B4GALNT1: variants seen among roughly 807,000 people sequenced by gnomAD.
B4GALNT1 encodes the protein beta-1,4 N-acetylgalactosaminyltransferase 1.
B4GALNT1 carries 43 observed loss-of-function variants against 55.2 expected under a neutral mutation model. That is an observed-to-expected ratio of 0.78 (90% CI 0.61 to 1.00). The LOEUF is 1.00. Among genes scored for constraint, B4GALNT1 ranks in the 50% least tolerant of loss-of-function variants. The pLI is 0.00. For synonymous variants in B4GALNT1, 305 were observed against 311.6 expected, an observed-to-expected ratio of 0.98 and a Z score of 0.22; for missense variants, 664 against 729.7, an observed-to-expected ratio of 0.91 and a Z score of 1.04.
Position 57,625,987 on chromosome 12 carries a change from C to G in B4GALNT1, c.*757G>C. On this transcript the variant is annotated 3_prime_UTR_variant, in exon 11 of 11. Coordinates refer to ENST00000341156, the MANE Select transcript of B4GALNT1 (RefSeq NM_001478.5). Reference sequence around the variant, plus strand: ...CTAATCTATTCCTGACATGTCTCCTCTCTTCTCCAGGAGCTCACTGACCCA... The same window carrying G: ...CTAATCTATTCCTGACATGTCTCCTGTCTTCTCCAGGAGCTCACTGACCCA... 1 of 405,628 alleles carries G rather than the reference C, an allele frequency of 2.5e-6. No homozygotes were observed. Among genetic ancestry groups the G allele is most frequent in the Non-Finnish European group, 4.3e-6 (1 of 231,528 alleles). 25.1% of individuals were successfully genotyped at this position (405,628 alleles called of 1,614,324 possible).
intron 6 of B4GALNT1, 91 bp downstream of exon 6, chr12:57,630,061 C>T (rs778913615): frequency 1.2e-6 from 2 of 1,604,638 alleles, no homozygotes; most frequent in African/African-American, 2.7e-5. Flanking sequence ...AGCCCAGATG[C>T]CTCCCATGCC....
Position 57,630,535 on chromosome 12 carries a change from G to A in B4GALNT1, c.491-17C>T. On this transcript the variant is annotated splice_polypyrimidine_tract_variant and intron_variant, in intron 4 of 10. Coordinates refer to ENST00000341156, the MANE Select transcript of B4GALNT1 (RefSeq NM_001478.5). Reference sequence around the variant, plus strand: ...GGCTCAGCCCTAGGAGAAAGGAGTGGGGGGATCAGAATCACATAGGCAGCC... The same window carrying A: ...GGCTCAGCCCTAGGAGAAAGGAGTGAGGGGATCAGAATCACATAGGCAGCC... 5.6e-6 allele frequency: 9 copies of A among 1,599,006 alleles called. No individual in the cohort carries two copies. The highest frequency in any genetic ancestry group is 7.7e-6 in the Non-Finnish European group (9 of 1,173,604).
In B4GALNT1 at chr12:57,624,706, C is replaced by T; in HGVS notation, c.*2038G>A. The stretch of plus-strand genomic sequence containing the variant: ...AGGCCAGGCTAAGCTGGAAATCTGG[C>T]CCCACCTTCTTCCCTAGGGTGTAGT... On this transcript the variant is annotated 3_prime_UTR_variant, in exon 11 of 11. Coordinates refer to ENST00000341156, the MANE Select transcript of B4GALNT1 (RefSeq NM_001478.5). 1 of 790,378 alleles carries T rather than the reference C, an allele frequency of 1.3e-6. No homozygotes were observed. 49.0% of individuals were successfully genotyped at this position (790,378 alleles called of 1,614,324 possible).
Position 57,627,845 on chromosome 12 carries a change from A to T in B4GALNT1, c.1157T>A (p.Val386Glu). 6.3e-7 allele frequency: 1 copy of T among 1,584,250 alleles called. No homozygotes were observed. Among genetic ancestry groups the T allele is most frequent in the Admixed American group, 1.7e-5 (1 of 58,288 alleles). The stretch of plus-strand genomic sequence containing the variant: ...GGTGGCAAAGCCGGAGATCTCGCGC[A>T]CCGCGCCCCCCACCTGCAGGGAGAG... Reference protein sequence around the residue: ...RTPLDLVGGAVREISGFATTY... With the variant: ...RTPLDLVGGAEREISGFATTY... The change falls in exon 10 of 11, where the codon GTG (valine) becomes GAG (glutamate). Residue 386 changes from valine to glutamate, a missense_variant. By Grantham distance (121) the Val-to-Glu change is moderately radical. Coordinates refer to ENST00000341156, the MANE Select transcript of B4GALNT1 (RefSeq NM_001478.5).
rs1594980317 is a variant in B4GALNT1 at position 57,628,282 on chromosome 12, G to T, written c.1003-20C>A. 6.2e-7 allele frequency: 1 copy of T among 1,613,538 alleles called. No individual in the cohort carries two copies. Among genetic ancestry groups the T allele is most frequent in the East Asian group, 2.2e-5 (1 of 44,856 alleles). On this transcript the variant is annotated intron_variant, in intron 8 of 10. Coordinates refer to ENST00000341156, the MANE Select transcript of B4GALNT1 (RefSeq NM_001478.5). ...CCAGCCCTGGCAGAAAGGTGTGTGT[G>T]GTTGGGGAGGCTGCAGAAATAGGAC... is the stretch of plus-strand genomic sequence containing the variant.
intron 5 of B4GALNT1, 28 bp downstream of exon 5, chr12:57,630,450 G>T (rs1179776397): frequency 3.1e-6 from 5 of 1,602,192 alleles, no homozygotes; most frequent in Admixed American, 1.7e-5. Flanking sequence ...TGCCTACTTG[G>T]CCTCCTTGCC....
chr12:57,624,806 C>A lies in B4GALNT1; in HGVS notation c.*1938G>T, dbSNP rs773631274. On this transcript the variant is annotated 3_prime_UTR_variant, in exon 11 of 11. Transcript: ENST00000341156. The stretch of plus-strand genomic sequence containing the variant: ...AGGAAGCCCCAGGGTGGGTGGGCTG[C>A]AGCCAAAGAAGGAAGGGAAGATTAG... The A allele has an allele frequency of 1.6e-5, 25 of 1,525,696 alleles. No homozygotes were observed. Among genetic ancestry groups the A allele is most frequent in the Non-Finnish European group, 2.2e-5 (24 of 1,099,686 alleles). The allele number at this position is 1,525,696 out of a possible 1,614,324, so 94.5% of individuals were successfully genotyped here.
chr12:57,623,821 C>T lies in B4GALNT1; in HGVS notation c.*2923G>A. On this transcript the variant is annotated 3_prime_UTR_variant, in exon 11 of 11. Transcript: ENST00000341156. ...GCTCTCTTCCTTTTTTGCTCCTGTT[C>T]CTCCTTTTCTCTAGCTGGCAGGCCT... The T allele has an allele frequency of 1.2e-6, 2 of 1,611,260 alleles. No individual in the cohort carries two copies. The highest frequency in any genetic ancestry group is 1.7e-5 in the Admixed American group (1 of 59,418).
chr12:57,629,810 A>G (rs715931), intron 6 of B4GALNT1: 1 of 1,442,676 alleles, frequency 6.9e-7, no homozygotes, highest in Non-Finnish European at 9.1e-7. Context: ...GAGAAATGGG[A>G]TCTCAGGAAA....
chr12:57,623,619 T>C lies in B4GALNT1; in HGVS notation c.*3125A>G, dbSNP rs1159008074. 1.8e-6 allele frequency: 1 copy of C among 569,360 alleles called. No homozygotes were observed. Among genetic ancestry groups the C allele is most frequent in the Non-Finnish European group, 3.1e-6 (1 of 321,108 alleles). 35.3% of individuals were successfully genotyped at this position (569,360 alleles called of 1,614,324 possible). On this transcript the variant is annotated 3_prime_UTR_variant, in exon 11 of 11. Transcript: ENST00000341156. ...CTGGGGAACTTGAACAATGGACATC[T>C]ACAAGGAGACTGGTGAATAATGGGC... is the stretch of plus-strand genomic sequence containing the variant.
intron 1 of B4GALNT1, chr12:57,632,504 G>A (rs1885293420): frequency 1.8e-5 from 6 of 340,934 alleles, no homozygotes; most frequent in South Asian, 1.6e-4. Flanking sequence ...CGCCCGCCCT[G>A]GCCGGCGCGC....
At position 57,625,253 on chromosome 12, in the gene B4GALNT1, G is replaced by A. The variant is rs750701043; in HGVS notation, c.*1491C>T. 5 of 1,614,044 alleles carry A rather than the reference G, an allele frequency of 3.1e-6. No homozygotes were observed. In the Admixed American group the frequency reaches 6.7e-5, roughly 22 times the overall value. ...CATTCTAGTTGCTGAGCCTGTCAGG[G>A]TGGTGGTCCTAGACTTCAGTGGTGT... On this transcript the variant is annotated 3_prime_UTR_variant, in exon 11 of 11. Transcript: ENST00000341156.
chr12:57,630,094 C>G, intron 6 of B4GALNT1, 58 bp downstream of exon 6: 7 of 1,613,810 alleles, frequency 4.3e-6, no homozygotes, highest in East Asian at 2.2e-5. Flanking sequence ...CCCACTCCAG[C>G]CTTTCTGGTT....
intron 8 of B4GALNT1, 22 bp from the exon 9 acceptor site, chr12:57,628,284 T>C (rs1261094814): frequency 6.2e-7 from 1 of 1,613,526 alleles, no homozygotes; most frequent in Non-Finnish European, 8.5e-7. Context: ...GTGTGTGTGG[T>C]TGGGGAGGCT....
Position 57,633,127 on chromosome 12 carries a change from G to C in B4GALNT1, c.-357C>G, listed in dbSNP as rs921937669. On this transcript the variant is annotated 5_prime_UTR_variant, in exon 1 of 11. Transcript: ENST00000341156. ...GCGGGGAGGGCTCTGGCCGCCGCCC[G>C]GCTCTTCGCACCGCAGCGCAGCGCG... The C allele has an allele frequency of 1.3e-5, 2 of 152,288 alleles. No homozygotes were observed. The highest frequency in any genetic ancestry group is 1.3e-4 in the Admixed American group (2 of 15,284). The allele number at this position is 152,288 out of a possible 1,614,324, so 9.4% of individuals were successfully genotyped here. A position where few individuals can be genotyped will look rare whatever the true frequency, so the allele number is the denominator to read the frequency against.
At position 57,629,106 on chromosome 12, in the gene B4GALNT1, G is replaced by A. The variant is rs1885040077; in HGVS notation, c.753C>T (p.Ile251=). The part of the protein sequence containing the change: ...STEGHEAAFT[I]RIRHPPNPRL... ...GAGGGTTGGGCGGGTGTCTTATGCG[G>A]ATAGTGAAAGCAGCCTCATGTCCCT... The change falls in exon 7 of 11, where the codon ATC becomes ATT. Residue 251 remains isoleucine, a synonymous_variant. Coordinates refer to ENST00000341156, the MANE Select transcript of B4GALNT1 (RefSeq NM_001478.5). The A allele has an allele frequency of 1.9e-6, 3 of 1,599,800 alleles. No individual in the cohort carries two copies. Among genetic ancestry groups the A allele is most frequent in the Non-Finnish European group, 8.6e-7 (1 of 1,169,426 alleles).
chr12:57,631,815 T>C, intron 2 of B4GALNT1, 100 bp downstream of exon 2: 1 of 1,162,434 alleles, frequency 8.6e-7, no homozygotes, highest in Non-Finnish European at 1.1e-6. Context: ...ACACAGCCCG[T>C]TAGGAGAATG....
Position 57,623,848 on chromosome 12 carries a change from T to G in B4GALNT1, c.*2896A>C, listed in dbSNP as rs747519022. ...TCCTTTTCTCTAGCTGGCAGGCCTCTTCTCCTGCACAGTGGTCCTGTCGGT... is the reference window on the plus strand; with the variant it reads ...TCCTTTTCTCTAGCTGGCAGGCCTCGTCTCCTGCACAGTGGTCCTGTCGGT... On this transcript the variant is annotated 3_prime_UTR_variant, in exon 11 of 11. Transcript: ENST00000341156. 3.1e-6 allele frequency: 5 copies of G among 1,613,978 alleles called. No individual in the cohort carries two copies. The South Asian group carries it at 5.5e-5, about 18-fold the overall frequency.
At position 57,627,598 on chromosome 12, in the gene B4GALNT1, C is replaced by G; in HGVS notation, c.1384+20G>C. 1.3e-6 allele frequency: 2 copies of G among 1,564,608 alleles called. No individual in the cohort carries two copies. The highest frequency in any genetic ancestry group is 1.7e-6 in the Non-Finnish European group (2 of 1,149,982). ...CCGTGGGGCTCCTGCCAGGGTCGAC[C>G]GGGAGGGGGTGCCACTCACCCAGAT... On this transcript the variant is annotated intron_variant, in intron 10 of 10. Coordinates refer to ENST00000341156, the MANE Select transcript of B4GALNT1 (RefSeq NM_001478.5).
Sources: allele counts gnomAD v4.1 joint callset, GRCh38; gene constraint gnomAD v4.1.1; transcripts MANE v1.5; gene names NCBI Gene and HGNC (gene_info 2026-07-23, HGNC 2026-07-21).